ASPH: variants seen among roughly 807,000 people sequenced by gnomAD.
ASPH encodes the protein aspartyl/asparaginyl beta-hydroxylase.
A neutral mutation model predicts 118.4 loss-of-function variants in ASPH; 100 were observed. The ratio of observed to expected loss-of-function variants is 0.84; its 90% CI spans 0.72 to 1.00. ASPH has a LOEUF of 1.00. ASPH is among the 50% of genes least tolerant of loss of function. The pLI is 0.00. For synonymous variants in ASPH, 315 were observed against 325.6 expected (o/e 0.97, Z 0.35); for missense variants, 920 against 919.5 (o/e 1.00, Z -0.01).
chr8:61,689,727 A>G (rs1431725566), intron 1 of ASPH: 2 of 1,555,580 alleles, frequency 1.3e-6, no homozygotes, highest in African/African-American at 1.4e-5. Flanking sequence ...ATGCTAAAGT[A>G]AAACAAAACA....
intron 14 of ASPH, among the ~76,000 whole-genome samples, chr8:61,616,572 A>C (rs567679236): frequency 2.2e-4 from 33 of 152,286 alleles, no homozygotes; most frequent in African/African-American, 7.7e-4. Context: ...TGTCCACAGC[A>C]TGAAGAAAAG....
intron 13 of ASPH, chr8:61,633,474 A>G (rs1476335711): frequency 8.0e-6 from 3 of 374,304 alleles, no homozygotes; most frequent in Non-Finnish European, 1.5e-5. Flanking sequence ...CTCAAATTCT[A>G]GCTCAGCAGA....
At chr8:61,673,896 G>A (rs1275641547) in intron 3 of ASPH, among the ~76,000 whole-genome samples, 3 of 152,180 alleles carry the variant, frequency 2.0e-5, no homozygotes, top group African/African-American at 7.2e-5. Flanking sequence ...AGCTACCTGG[G>A]TGTCACCTTC....
At chr8:61,570,799 C>A (rs1254766930) in intron 16 of ASPH, among the ~76,000 whole-genome samples, 1 of 152,112 alleles carries the variant, frequency 6.6e-6, no homozygotes, top group East Asian at 1.9e-4. Flanking sequence ...AACTAATTCA[C>A]CCAACCAATC....
rs561401462 is a variant in ASPH at position 61,554,478 on chromosome 8, TA to T, written c.1537-1359del. 4.6e-5 allele frequency among the ~76,000 whole-genome samples: 7 copies of T among 151,100 alleles called. 1 individual carries two copies. Among genetic ancestry groups the T allele is most frequent in the African/African-American group, 7.3e-5 (3 of 41,218 alleles). ...CATAAAAGTGGAATATATTGATACTTAAAAAAAAAGCCTACAGCTATCTAAT... is the reference window on the plus strand; with the variant it reads ...CATAAAAGTGGAATATATTGATACTTAAAAAAAAGCCTACAGCTATCTAAT... On this transcript the variant is annotated intron_variant, in intron 19 of 24. Coordinates refer to ENST00000379454, the MANE Select transcript of ASPH (RefSeq NM_004318.4).
At chr8:61,697,174 C>T (rs566355538) in intron 1 of ASPH, among the ~76,000 whole-genome samples, 138 of 152,300 alleles carry the variant, frequency 9.1e-4, no homozygotes, top group African/African-American at 2.9e-3. Flanking sequence ...AAACACACGT[C>T]TTACAGTTGA....
chr8:61,655,505 G>T (rs1563414623), intron 3 of ASPH, among the ~76,000 whole-genome samples: 1 of 152,122 alleles, frequency 6.6e-6, no homozygotes. Context: ...TGTTCCGTGT[G>T]TTATACAAGC....
At chr8:61,661,879 T>G in intron 3 of ASPH, 1 of 441,064 alleles carries the variant, frequency 2.3e-6, no homozygotes, top group South Asian at 5.5e-5. Context: ...TTCATCAGTC[T>G]CTCATTGTGA....
At chr8:61,526,237 T>C in intron 21 of ASPH, 125 bp from the exon 22 acceptor site, 1 of 1,283,300 alleles carries the variant, frequency 7.8e-7, no homozygotes, top group South Asian at 1.5e-5. Flanking sequence ...CTAGATTGCT[T>C]ATATTTCAAT....
At chr8:61,598,059 A>G (rs1340636285) in intron 14 of ASPH, among the ~76,000 whole-genome samples, 1 of 152,258 alleles carries the variant, frequency 6.6e-6, no homozygotes, top group East Asian at 1.9e-4. Context: ...AAAGGAGCAA[A>G]AAATATACAA....
In ASPH at chr8:61,591,305, T is replaced by C. The variant is rs138660320; in HGVS notation, c.977-7276A>G. Among the ~76,000 whole-genome samples, 8 of 151,620 alleles carry C rather than the reference T, an allele frequency of 5.3e-5. No homozygotes were observed. The East Asian group carries it at 1.4e-3, about 26-fold the overall frequency. ...ATGAGAAAATTATAAACAACCAATA[T>C]AGAAAATTACCTGAGAGTTGCTTGC... On this transcript the variant is annotated intron_variant, in intron 14 of 24. Transcript: ENST00000379454.
rs1217371361 is a variant in ASPH at position 61,501,093 on chromosome 8, TTAAAC to T, written c.*2261_*2265del. 2.6e-5 allele frequency: 4 copies of T among 152,134 alleles called. No individual in the cohort carries two copies. Among genetic ancestry groups the T allele is most frequent in the South Asian group, 2.1e-4 (1 of 4,820 alleles). 9.4% of individuals were successfully genotyped at this position (152,134 alleles called of 1,614,324 possible). Reference sequence around the variant, plus strand: ...TCAAACAACTGTATCACAATATAAATTAAACTAATTCATTTTTGTGTAGACATACG... The same window carrying T: ...TCAAACAACTGTATCACAATATAAATTAATTCATTTTTGTGTAGACATACG... On this transcript the variant is annotated 3_prime_UTR_variant, in exon 25 of 25. Transcript: ENST00000379454.
chr8:61,649,669 A>C (rs1809891674), intron 5 of ASPH, among the ~76,000 whole-genome samples: 1 of 150,968 alleles, frequency 6.6e-6, no homozygotes, highest in African/African-American at 2.4e-5. Context: ...CCACCACCTA[A>C]ACATCTTAGG....
intron 3 of ASPH, among the ~76,000 whole-genome samples, chr8:61,653,919 AAAAC>A (rs989437812): frequency 6.6e-6 from 1 of 152,180 alleles, no homozygotes; most frequent in Non-Finnish European, 1.5e-5. Flanking sequence ...ATGAATCTCT[AAAAC>A]AGTCATGTCT....
intron 13 of ASPH, chr8:61,628,244 T>C (rs1853836173): frequency 6.8e-6 from 2 of 292,672 alleles, no homozygotes; most frequent in Non-Finnish European, 1.3e-5. Context: ...ACTGCAGCTT[T>C]GACCTCCTGG....
At chr8:61,562,970 C>T (rs1830510089) in intron 17 of ASPH, 90 bp from the exon 18 acceptor site, 1 of 1,293,880 alleles carries the variant, frequency 7.7e-7, no homozygotes, top group South Asian at 1.9e-5. Flanking sequence ...AGACTATTCA[C>T]CAGAGCCTGA....
At chr8:61,550,477 A>AAGAGAGAG (rs36069979) in intron 20 of ASPH, among the ~76,000 whole-genome samples, 4 of 148,052 alleles carry the variant, frequency 2.7e-5, no homozygotes, top group South Asian at 2.2e-4. Context: ...ACATAAGAGA[A>AAGAGAGAG]AGAGAGAGAG....
intron 3 of ASPH, chr8:61,664,346 A>T: frequency 1.0e-6 from 1 of 974,072 alleles, no homozygotes; most frequent in Non-Finnish European, 1.2e-6. Flanking sequence ...GTGTGATATA[A>T]AATGAAAGTA....
chr8:61,544,415 T>C (rs1823051661), intron 21 of ASPH, among the ~76,000 whole-genome samples: 1 of 152,240 alleles, frequency 6.6e-6, no homozygotes, highest in Non-Finnish European at 1.5e-5. Context: ...ATTAAATGCT[T>C]GAGGTTTCAT....
Sources: allele counts gnomAD v4.1 joint callset (sites outside exome capture counted in the v4.1 genomes callset), GRCh38; gene constraint gnomAD v4.1.1; transcripts MANE v1.5; gene names NCBI Gene and HGNC (gene_info 2026-07-23, HGNC 2026-07-21).